ADCY8: variants seen among roughly 807,000 people sequenced by gnomAD.
The protein encoded by ADCY8 is adenylate cyclase 8.
Under a neutral mutation model 119.7 loss-of-function variants are expected in ADCY8, and 51 were observed. The ratio of observed to expected loss-of-function variants is 0.43; its 90% CI spans 0.34 to 0.54. The LOEUF (loss-of-function observed/expected upper bound fraction) is 0.54, where lower values mean the gene tolerates loss of function less well. ADCY8 is among the 20% of genes least tolerant of loss of function. The probability of loss-of-function intolerance (pLI) is 0.03; values close to 1 mark genes in which losing one functional copy is unlikely to be tolerated. For synonymous variants in ADCY8, 665 were observed against 651.0 expected (o/e 1.02, Z -0.33); for missense variants, 1,383 against 1,598.8 (o/e 0.87, Z 2.30).
At chr8:130,881,916 G>A (rs1472056328) in intron 8 of ADCY8, among the ~76,000 whole-genome samples, 1 of 150,736 alleles carries the variant, frequency 6.6e-6, no homozygotes, top group Non-Finnish European at 1.5e-5. Flanking sequence ...ATTCCATTTC[G>A]GAGTTTAAAT....
At chr8:131,037,653 A>G (rs559838143) in intron 1 of ADCY8, among the ~76,000 whole-genome samples, 1 of 152,170 alleles carries the variant, frequency 6.6e-6, no homozygotes, top group Non-Finnish European at 1.5e-5. Flanking sequence ...AGGCAAAGAG[A>G]AGGAAAAAGA....
At chr8:130,797,527 C>T (rs1445013360) in intron 15 of ADCY8, among the ~76,000 whole-genome samples, 1 of 152,222 alleles carries the variant, frequency 6.6e-6, no homozygotes. Flanking sequence ...AAGTACTTAG[C>T]AAGCATCTGC....
At chr8:130,967,976 A>G (rs2130698269) in intron 2 of ADCY8, among the ~76,000 whole-genome samples, 1 of 152,282 alleles carries the variant, frequency 6.6e-6, no homozygotes, top group South Asian at 2.1e-4. Context: ...TCTGTAAAAT[A>G]ATAATAGCTC....
chr8:131,020,931 T>A (rs988219741), intron 1 of ADCY8, among the ~76,000 whole-genome samples: 1 of 152,190 alleles, frequency 6.6e-6, no homozygotes, highest in Non-Finnish European at 1.5e-5. Context: ...TGACATGACA[T>A]CTGATCTAGG....
intron 7 of ADCY8, among the ~76,000 whole-genome samples, chr8:130,901,555 A>G (rs1477221593): frequency 6.6e-6 from 1 of 152,194 alleles, no homozygotes; most frequent in African/African-American, 2.4e-5. Context: ...TTGGCAAAGC[A>G]TAGGCTCAGC....
At chr8:130,946,360 C>A (rs1206654943) in intron 3 of ADCY8, among the ~76,000 whole-genome samples, 1 of 152,172 alleles carries the variant, frequency 6.6e-6, no homozygotes, top group Non-Finnish European at 1.5e-5. Flanking sequence ...TTCTCCAGGT[C>A]TTTCGATCCC....
At chr8:131,008,127 A>C (rs948317515) in intron 1 of ADCY8, among the ~76,000 whole-genome samples, 5 of 152,162 alleles carry the variant, frequency 3.3e-5, no homozygotes, top group African/African-American at 1.2e-4. Context: ...TCATAAGAAA[A>C]TAGGGATGCA....
chr8:130,842,546 C>T (rs1469897046), intron 11 of ADCY8, among the ~76,000 whole-genome samples: 2 of 152,022 alleles, frequency 1.3e-5, no homozygotes, highest in African/African-American at 4.8e-5. Flanking sequence ...TCTGCACTAT[C>T]TAATATTTGT....
intron 14 of ADCY8, among the ~76,000 whole-genome samples, chr8:130,809,221 A>G (rs1037718244): frequency 6.6e-6 from 1 of 152,116 alleles, no homozygotes; most frequent in Non-Finnish European, 1.5e-5. Flanking sequence ...GGGAAAGAAC[A>G]CTGGCTTTGG....
At chr8:130,929,714 T>C (rs1820576189) in intron 5 of ADCY8, among the ~76,000 whole-genome samples, 1 of 152,216 alleles carries the variant, frequency 6.6e-6, no homozygotes, top group South Asian at 2.1e-4. Flanking sequence ...ATAATCTGTG[T>C]ACTGCTGAAA....
At chr8:130,849,470 G>T in intron 10 of ADCY8, 132 bp downstream of exon 10, 1 of 902,246 alleles carries the variant, frequency 1.1e-6, no homozygotes, top group Non-Finnish European at 1.7e-6. Flanking sequence ...CTGTCCCTAA[G>T]CTTGGGGCTG....
At chr8:131,014,431 TA>T (rs1432223545) in intron 1 of ADCY8, among the ~76,000 whole-genome samples, 1 of 152,198 alleles carries the variant, frequency 6.6e-6, no homozygotes, top group African/African-American at 2.4e-5. Flanking sequence ...GATTCATACC[TA>T]ACACCATCCT....
At chr8:130,788,802 G>A (rs1041030308) in intron 15 of ADCY8, among the ~76,000 whole-genome samples, 6 of 151,912 alleles carry the variant, frequency 3.9e-5, no homozygotes, top group African/African-American at 1.5e-4. Context: ...AAAAAAATTT[G>A]CAAATTTATT....
intron 1 of ADCY8, among the ~76,000 whole-genome samples, chr8:130,999,762 C>T (rs554861484): frequency 3.8e-4 from 58 of 152,168 alleles, no homozygotes; most frequent in Non-Finnish European, 7.5e-4. Flanking sequence ...TGATTGTGTG[C>T]GTGGAAAGAC....
At chr8:130,903,636 T>G (rs1456934206) in intron 7 of ADCY8, 136 bp downstream of exon 7, 4 of 988,878 alleles carry the variant, frequency 4.0e-6, no homozygotes, top group African/African-American at 3.3e-5. Context: ...GACAGAGAGA[T>G]AGTTTGATCA....
intron 2 of ADCY8, among the ~76,000 whole-genome samples, chr8:130,978,617 T>C (rs1211025042): frequency 1.3e-5 from 2 of 152,208 alleles, no homozygotes; most frequent in East Asian, 1.9e-4. Flanking sequence ...AAGGAACTTG[T>C]AATCCAGCAG....
chr8:131,040,119 G>A lies in ADCY8; in HGVS notation c.215C>T (p.Ala72Val). 1 of 1,526,382 alleles carries A rather than the reference G, an allele frequency of 6.6e-7. No homozygotes were observed. Among genetic ancestry groups the A allele is most frequent in the Non-Finnish European group, 8.7e-7 (1 of 1,143,146 alleles). 94.6% of individuals were successfully genotyped at this position (1,526,382 alleles called of 1,614,324 possible). The change falls in exon 1 of 18, where the codon GCG (alanine) becomes GTG (valine). Residue 72 changes from alanine (A) to valine (V), a missense_variant. Physicochemically the swap from Ala to Val is moderately conservative, Grantham distance 64. Around this residue, in one of 2 missense-constraint regions of ADCY8, gnomAD observed 455 missense variants for 435.3 expected, o/e 1.05. Coordinates refer to ENST00000286355, the MANE Select transcript of ADCY8 (RefSeq NM_001115.3). ...CGCGTGGTGGTTGGGGCCGCCGCCCGCAGGGTCCGAGGCTTTGCCCGAGCC... is the reference window on the plus strand; with the variant it reads ...CGCGTGGTGGTTGGGGCCGCCGCCCACAGGGTCCGAGGCTTTGCCCGAGCC... The part of the protein sequence containing the change: ...SGGSGKASDP[A>V]GGGPNHHAPQ...
At chr8:130,909,242 C>A (rs559338087) in intron 6 of ADCY8, among the ~76,000 whole-genome samples, 2 of 152,258 alleles carry the variant, frequency 1.3e-5, no homozygotes, top group Admixed American at 6.5e-5. Flanking sequence ...ACCTTGACAG[C>A]CAAATTTGAA....
intron 12 of ADCY8, among the ~76,000 whole-genome samples, chr8:130,829,418 A>C (rs1211407608): frequency 1.3e-5 from 2 of 151,942 alleles, no homozygotes; most frequent in Non-Finnish European, 2.9e-5. Flanking sequence ...TAAACTTTTT[A>C]TTGGGTTTGG....
Sources: gnomAD v4.1 joint callset for allele counts (sites outside exome capture counted in the v4.1 genomes callset) on GRCh38, gnomAD v4.1.1 for gene constraint, gnomAD v4.1.1 regional missense constraint, MANE v1.5 for transcripts, NCBI Gene and HGNC (gene_info 2026-07-23, HGNC 2026-07-21) for gene names.